SLC7A8: variants seen among roughly 807,000 people sequenced by gnomAD.
SLC7A8 encodes large neutral amino acids transporter small subunit 2.
Under a neutral mutation model 51.2 loss-of-function variants are expected in SLC7A8, and 30 were observed. That is an observed-to-expected ratio of 0.59 (90% CI 0.44 to 0.80). The LOEUF is 0.80. SLC7A8 is among the 30% of genes least tolerant of loss of function. The pLI, the probability that SLC7A8 is intolerant of heterozygous loss-of-function variation, is 0.00. For synonymous variants in SLC7A8, 257 were observed against 275.8 expected, an observed-to-expected ratio of 0.93 and a Z score of 0.67; for missense variants, 612 against 674.4, an observed-to-expected ratio of 0.91 and a Z score of 1.03.
intron 1 of SLC7A8, among the ~76,000 whole-genome samples, chr14:23,180,864 A>T (rs1877139885): frequency 6.6e-6 from 1 of 152,152 alleles, no homozygotes; most frequent in South Asian, 2.1e-4. Context: ...TCTCTACTAA[A>T]AATACAAAAA....
chr14:23,137,887 C>A, intron 7 of SLC7A8, 34 bp downstream of exon 7: 1 of 1,608,864 alleles, frequency 6.2e-7, no homozygotes, highest in Non-Finnish European at 8.5e-7. Context: ...AGCAGAGTGG[C>A]CCCTGGCCGG....
intron 3 of SLC7A8, among the ~76,000 whole-genome samples, chr14:23,152,258 T>A (rs975298089): frequency 2.6e-5 from 4 of 151,770 alleles, no homozygotes; most frequent in Non-Finnish European, 5.9e-5. Context: ...GCCTCCTGAG[T>A]AGCTGGGACC....
intron 3 of SLC7A8, chr14:23,155,035 C>T: frequency 3.2e-6 from 2 of 619,256 alleles, no homozygotes; most frequent in South Asian, 5.0e-5. Context: ...GCAGCCCTTC[C>T]TCATAAACTG....
intron 7 of SLC7A8, among the ~76,000 whole-genome samples, chr14:23,134,432 G>A (rs1431405211): frequency 3.6e-5 from 2 of 55,136 alleles, no homozygotes; most frequent in East Asian, 5.2e-4. Context: ...GTGAGACCCT[G>A]TCTCCAAAAA....
intron 3 of SLC7A8, among the ~76,000 whole-genome samples, chr14:23,161,493 T>G: frequency 6.7e-6 from 1 of 149,712 alleles, no homozygotes; most frequent in Non-Finnish European, 1.5e-5. Flanking sequence ...ACCGGAACTC[T>G]CTACTGCGTC....
At chr14:23,153,714 A>T (rs2048867126) in intron 3 of SLC7A8, among the ~76,000 whole-genome samples, 1 of 152,002 alleles carries the variant, frequency 6.6e-6, no homozygotes, top group Admixed American at 6.6e-5. Flanking sequence ...TCAATGTCAC[A>T]GTCACATGTT....
At chr14:23,169,676 G>C (rs1428049317) in intron 1 of SLC7A8, among the ~76,000 whole-genome samples, 1 of 152,180 alleles carries the variant, frequency 6.6e-6, no homozygotes, top group Non-Finnish European at 1.5e-5. Context: ...CAAAGTGCTA[G>C]GATTACAGGT....
chr14:23,138,607 G>C (rs1427462245), intron 6 of SLC7A8, among the ~76,000 whole-genome samples: 6 of 152,166 alleles, frequency 3.9e-5, no homozygotes, highest in Non-Finnish European at 8.8e-5. Context: ...AGATGAGTTG[G>C]GGGTAAAATA....
chr14:23,153,773 T>TG (rs1332727601), intron 3 of SLC7A8, among the ~76,000 whole-genome samples: 1 of 152,150 alleles, frequency 6.6e-6, no homozygotes, highest in Non-Finnish European at 1.5e-5. Context: ...CTCGCTGGCT[T>TG]GCACCTTTCT....
At chr14:23,173,071 GT>G (rs1165654241) in intron 1 of SLC7A8, among the ~76,000 whole-genome samples, 4 of 152,134 alleles carry the variant, frequency 2.6e-5, no homozygotes, top group Non-Finnish European at 5.9e-5. Context: ...TATTCACATC[GT>G]TGTGAGGCAA....
At position 23,128,080 on chromosome 14, in the gene SLC7A8, C is replaced by T. The variant is rs1811745957; in HGVS notation, c.1380G>A (p.Val460=). 14 of 1,614,240 alleles carry T rather than the reference C, an allele frequency of 8.7e-6. No individual in the cohort carries two copies. The highest frequency in any genetic ancestry group is 1.2e-5 in the Non-Finnish European group (14 of 1,180,048). Reference sequence around the variant, plus strand: ...AGTAAACACCCAGGAAATAGACAGGCACTCCTGTCAGCATGATGGCCAGGC... The same window carrying T: ...AGTAAACACCCAGGAAATAGACAGGTACTCCTGTCAGCATGATGGCCAGGC... ...GIGLAIMLTG[V]PVYFLGVYWQ... The change falls in exon 10 of 11, where the codon GTG becomes GTA. Residue 460 remains valine, a synonymous_variant. Transcript: ENST00000316902. This position sits in a 1 kb window ranked among gnomAD's most constrained non-coding sequence, Gnocchi z 4.3.
intron 3 of SLC7A8, among the ~76,000 whole-genome samples, chr14:23,160,818 T>G (rs2048917297): frequency 6.6e-6 from 1 of 152,060 alleles, no homozygotes. Flanking sequence ...CACAAGCAGA[T>G]CACAAAAGGT....
At chr14:23,140,353 C>T in intron 5 of SLC7A8, 118 bp downstream of exon 5, 1 of 1,113,078 alleles carries the variant, frequency 9.0e-7, no homozygotes, top group East Asian at 2.4e-5. Context: ...TAGATCAAAT[C>T]ACAGTTAGAA....
chr14:23,132,266 T>A (rs2048643625), intron 7 of SLC7A8, among the ~76,000 whole-genome samples: 1 of 152,064 alleles, frequency 6.6e-6, no homozygotes, highest in South Asian at 2.1e-4. Context: ...CCTCCCAAAG[T>A]GCTGGGACTA....
rs1217245766 is a variant in SLC7A8 at position 23,126,515 on chromosome 14, T to G, written c.*662A>C. On this transcript the variant is annotated 3_prime_UTR_variant, in exon 11 of 11. Transcript: ENST00000316902. ...GGGCTGGGTTTCTGCAATCTGAACC[T>G]TTCTCAATATGTTCCTCAACCGCCT... The G allele has an allele frequency of 6.5e-6, 1 of 153,014 alleles. No homozygotes were observed. 9.5% of individuals were successfully genotyped at this position (153,014 alleles called of 1,614,324 possible).
chr14:23,150,395 G>C (rs55928230), intron 3 of SLC7A8, among the ~76,000 whole-genome samples: 15,283 of 152,186 alleles, frequency 0.1, 1,827 homozygotes, highest in African/African-American at 0.29. Context: ...TAAGAATGGG[G>C]AGGAGGATCA....
At chr14:23,168,146 T>C (rs536871282) in intron 1 of SLC7A8, among the ~76,000 whole-genome samples, 1 of 152,284 alleles carries the variant, frequency 6.6e-6, no homozygotes, top group East Asian at 1.9e-4. Context: ...AAAGAGAAGA[T>C]AGAAAAAGGA....
At chr14:23,157,878 C>T (rs186008928) in intron 3 of SLC7A8, among the ~76,000 whole-genome samples, 7 of 152,302 alleles carry the variant, frequency 4.6e-5, no homozygotes, top group Admixed American at 3.9e-4. Flanking sequence ...CTGAAATTCC[C>T]TGTATACTTG....
rs139336806 is a variant in SLC7A8 at position 23,173,581 on chromosome 14, C to T, written c.152-7041G>A. ...ACATACTGATGCACTCTGGTATCTTCCAATAAATATTCATTTCTTTCTCTC... is the reference window on the plus strand; with the variant it reads ...ACATACTGATGCACTCTGGTATCTTTCAATAAATATTCATTTCTTTCTCTC... On this transcript the variant is annotated intron_variant, in intron 1 of 10. Transcript: ENST00000316902. Among the ~76,000 whole-genome samples, 4 of 152,308 alleles carry T rather than the reference C, an allele frequency of 2.6e-5. No individual in the cohort carries two copies. In the East Asian group the frequency reaches 7.7e-4, roughly 29 times the overall value.
Sources: gnomAD v4.1 joint callset for allele counts (sites outside exome capture counted in the v4.1 genomes callset) on GRCh38, gnomAD v4.1.1 for gene constraint, Gnocchi (gnomAD v3.1) non-coding constraint, MANE v1.5 for transcripts, NCBI Gene and HGNC (gene_info 2026-07-23, HGNC 2026-07-21) for gene names.